The following STK3 variants were observed in gnomAD, a reference collection of about 807,000 sequenced individuals.
STK3 encodes the protein serine/threonine-protein kinase 3.
In STK3, 41 loss-of-function variants were observed where a neutral mutation model predicts 58.0. The ratio of observed to expected loss-of-function variants is 0.71; its 90% CI spans 0.55 to 0.92. The LOEUF is 0.92. STK3 is among the 40% of genes least tolerant of loss of function. The probability of loss-of-function intolerance (pLI) is 0.00; values close to 1 mark genes in which losing one functional copy is unlikely to be tolerated. For synonymous variants in STK3, 170 were observed against 191.0 expected (o/e 0.89, Z 0.91); for missense variants, 479 against 602.7 (o/e 0.79, Z 2.15).
Position 98,716,586 on chromosome 8 carries a change from T to C in STK3, c.352-9275A>G, listed in dbSNP as rs767229981. Among the ~76,000 whole-genome samples the C allele has an allele frequency of 1.7e-4, 26 of 152,250 alleles. 1 individual carries two copies. The South Asian group carries it at 3.3e-3, about 19-fold the overall frequency. ...CATAGATAAGAAAATTTAATGTTTT[T>C]AAGATGCCCATGCTACCCAAAGCAA... On this transcript the variant is annotated intron_variant, in intron 4 of 10. Coordinates refer to ENST00000419617, the MANE Select transcript of STK3 (RefSeq NM_006281.4).
intron 3 of STK3, among the ~76,000 whole-genome samples, chr8:98,865,804 A>G (rs1166843990): frequency 6.6e-6 from 1 of 152,256 alleles, no homozygotes; most frequent in Non-Finnish European, 1.5e-5. Context: ...ACGTTGCAAC[A>G]CAGTGGAGTA....
chr8:98,586,374 G>C (rs1563769929), intron 7 of STK3, among the ~76,000 whole-genome samples: 1 of 151,496 alleles, frequency 6.6e-6, no homozygotes, highest in Non-Finnish European at 1.5e-5. Flanking sequence ...TTTGTCTTTG[G>C]CTCTGTTTAT....
intron 1 of STK3, among the ~76,000 whole-genome samples, chr8:98,927,725 G>C (rs2922070): frequency 0.17 from 26,622 of 152,158 alleles, 2,859 homozygotes; most frequent in East Asian, 0.38. Flanking sequence ...AACATGAAAG[G>C]AAAGACACAC....
At chr8:98,873,482 T>A (rs1439507345) in intron 3 of STK3, among the ~76,000 whole-genome samples, 5 of 152,218 alleles carry the variant, frequency 3.3e-5, no homozygotes, top group African/African-American at 1.2e-4. Flanking sequence ...CTAAGTCTCT[T>A]TGTAGGTCTC....
chr8:98,480,979 T>C (rs2131278199), intron 10 of STK3, among the ~76,000 whole-genome samples: 1 of 152,320 alleles, frequency 6.6e-6, no homozygotes, highest in South Asian at 2.1e-4. Flanking sequence ...TAAAATTTTT[T>C]ATACTGAAAA....
At chr8:98,775,549 T>A (rs1036545018) in intron 1 of STK3, among the ~76,000 whole-genome samples, 3 of 152,154 alleles carry the variant, frequency 2.0e-5, no homozygotes, top group Non-Finnish European at 4.4e-5. Context: ...CTTTGTTGGA[T>A]AAAGACAATG....
chr8:98,398,749 T>C (rs1261375499), downstream of STK3, among the ~76,000 whole-genome samples: 2 of 152,146 alleles, frequency 1.3e-5, no homozygotes, highest in African/African-American at 2.4e-5. Context: ...CTCGGGCAAA[T>C]TTTCCAGGCT....
chr8:98,741,690 A>C (rs1829225867), intron 4 of STK3, among the ~76,000 whole-genome samples: 1 of 152,214 alleles, frequency 6.6e-6, no homozygotes. Flanking sequence ...AAAGAACTAG[A>C]AAAGCAAGAG....
At chr8:98,416,375 T>G (rs1051781579) in intron 3 of STK3, among the ~76,000 whole-genome samples, 3 of 150,172 alleles carry the variant, frequency 2.0e-5, no homozygotes, top group African/African-American at 7.4e-5. Flanking sequence ...TTTTTTTTTT[T>G]TTTTTTTTTT....
chr8:98,469,108 T>TAA (rs71273132), intron 10 of STK3, among the ~76,000 whole-genome samples: 11 of 145,944 alleles, frequency 7.5e-5, no homozygotes, highest in Non-Finnish European at 1.2e-4. Flanking sequence ...ACTCCATCTT[T>TAA]AAAAAAAAAA....
At chr8:98,853,098 A>G (rs541116499) in intron 3 of STK3, among the ~76,000 whole-genome samples, 2 of 151,948 alleles carry the variant, frequency 1.3e-5, no homozygotes, top group Admixed American at 6.5e-5. Context: ...ATGAAATTAT[A>G]TATATATTAA....
chr8:98,836,815 C>T (rs1334973818), intron 3 of STK3, among the ~76,000 whole-genome samples: 1 of 152,070 alleles, frequency 6.6e-6, no homozygotes, highest in East Asian at 1.9e-4. Flanking sequence ...TTTTCTGTCT[C>T]GGTACCATTT....
At chr8:98,870,507 G>A (rs571226867) in intron 3 of STK3, among the ~76,000 whole-genome samples, 5 of 152,180 alleles carry the variant, frequency 3.3e-5, no homozygotes, top group Non-Finnish European at 7.3e-5. Context: ...AGCACCTGTT[G>A]TTTCCTGACT....
chr8:98,794,685 C>T (rs548975088), intron 1 of STK3, among the ~76,000 whole-genome samples: 6 of 152,172 alleles, frequency 3.9e-5, no homozygotes, highest in South Asian at 4.1e-4. Context: ...CACCCTGATA[C>T]GAAAACCTGG....
intron 6 of STK3, among the ~76,000 whole-genome samples, chr8:98,620,406 T>C (rs1216494458): frequency 1.6e-4 from 23 of 143,934 alleles, no homozygotes; most frequent in South Asian, 6.6e-4. Flanking sequence ...GCATGGCACA[T>C]GTATACATAT....
chr8:98,652,814 G>A (rs1427694047), intron 6 of STK3, among the ~76,000 whole-genome samples: 1 of 151,114 alleles, frequency 6.6e-6, no homozygotes. Flanking sequence ...CAATACAGGA[G>A]CACCCAGATT....
chr8:98,768,047 G>A (rs1471971547), intron 2 of STK3, among the ~76,000 whole-genome samples: 1 of 152,138 alleles, frequency 6.6e-6, no homozygotes, highest in East Asian at 1.9e-4. Context: ...GAATATTCAC[G>A]TGTTTTAAAA....
At chr8:98,499,806 GATGATT>G (rs1280591494) in intron 10 of STK3, among the ~76,000 whole-genome samples, 2 of 152,214 alleles carry the variant, frequency 1.3e-5, no homozygotes, top group Non-Finnish European at 2.9e-5. Flanking sequence ...CTTAGATTTA[GATGATT>G]TGGATGAGAT....
chr8:98,585,189 G>A lies in STK3; in HGVS notation c.823-5400C>T, dbSNP rs1415793668. Among the ~76,000 whole-genome samples, 108 of 152,022 alleles carry A rather than the reference G, an allele frequency of 7.1e-4. 1 individual carries two copies. Among genetic ancestry groups the A allele is most frequent in the African/African-American group, 2.6e-3 (107 of 41,502 alleles). ...CTTGCCCATGCCTATGTCCTGAATG[G>A]TAATGCCTAGGTTTTCTTCTAGGGT... On this transcript the variant is annotated intron_variant, in intron 7 of 10. Coordinates refer to ENST00000419617, the MANE Select transcript of STK3 (RefSeq NM_006281.4).
Sources: allele counts gnomAD v4.1 joint callset (sites outside exome capture counted in the v4.1 genomes callset), GRCh38; gene constraint gnomAD v4.1.1; transcripts MANE v1.5; gene names NCBI Gene and HGNC (gene_info 2026-07-23, HGNC 2026-07-21).